Variants in IL1R1 observed in about 807,000 individuals in gnomAD.
IL1R1 encodes interleukin-1 receptor type 1.
A neutral mutation model predicts 50.2 loss-of-function variants in IL1R1; 22 were observed. That is an observed-to-expected ratio of 0.44 (90% confidence interval 0.31 to 0.63). The LOEUF (loss-of-function observed/expected upper bound fraction) is 0.63. IL1R1 is among the 20% of genes least tolerant of loss of function. The pLI is 0.07. For synonymous variants in IL1R1, 251 were observed against 236.7 expected (o/e 1.06, Z -0.55); for missense variants, 509 against 676.2 (o/e 0.75, Z 2.74).
chr2:102,118,933 G>T (rs1471126186), intron 1 of IL1R1, among the ~76,000 whole-genome samples: 1 of 144,124 alleles, frequency 6.9e-6, no homozygotes, highest in Non-Finnish European at 1.5e-5. Context: ...CAGGAGAATG[G>T]TATGAACCTG....
intron 1 of IL1R1, among the ~76,000 whole-genome samples, chr2:102,107,774 T>G (rs966459584): frequency 3.3e-4 from 50 of 152,358 alleles, no homozygotes; most frequent in Non-Finnish European, 5.7e-4. Flanking sequence ...GCCTCTCGTC[T>G]TTTTTGGTTA....
At chr2:102,104,910 G>T (rs934400492) in intron 1 of IL1R1, 2 of 152,096 alleles carry the variant, frequency 1.3e-5, no homozygotes, top group East Asian at 3.9e-4. Context: ...TTTTGTTTCT[G>T]TATTTTTTTC....
chr2:102,070,873 G>A (rs1348880940), intron 1 of IL1R1, among the ~76,000 whole-genome samples: 1 of 152,054 alleles, frequency 6.6e-6, no homozygotes, highest in Non-Finnish European at 1.5e-5. Context: ...TTCTAGGTGG[G>A]AATCTCAGGC....
At chr2:102,086,008 A>G (rs553231506) in intron 1 of IL1R1, among the ~76,000 whole-genome samples, 2 of 152,286 alleles carry the variant, frequency 1.3e-5, no homozygotes, top group African/African-American at 4.8e-5. Context: ...GAGCTTGTAC[A>G]TGAAGTAATT....
At chr2:102,157,657 G>C in intron 2 of IL1R1, 62 bp from the exon 3 acceptor site, 1 of 1,067,382 alleles carries the variant, frequency 9.4e-7, no homozygotes, top group Non-Finnish European at 1.4e-6. Flanking sequence ...TTTAGTTTTA[G>C]AGATTTGCTG....
At chr2:102,097,039 A>G (rs1679935315) in intron 1 of IL1R1, among the ~76,000 whole-genome samples, 1 of 152,202 alleles carries the variant, frequency 6.6e-6, no homozygotes, top group Admixed American at 6.5e-5. Context: ...AAATATTACA[A>G]TGAAGTTGCA....
rs545544468 is a variant in IL1R1 at position 102,157,849 on chromosome 2, G to C, written c.61+64G>C. On this transcript the variant is annotated intron_variant, in intron 3 of 11. Coordinates refer to ENST00000410023, the MANE Select transcript of IL1R1 (RefSeq NM_000877.4). ...AAATCTGTTATTTAGAATACATGAA[G>C]TACCTTCCCTAACAGAGTCATTTCT... is the stretch of plus-strand genomic sequence containing the variant. The C allele has an allele frequency of 2.8e-6, 3 of 1,055,138 alleles. No individual in the cohort carries two copies. In the African/African-American group the frequency reaches 4.7e-5, roughly 16 times the overall value. The allele number at this position is 1,055,138 out of a possible 1,614,324, so 65.4% of individuals were successfully genotyped here.
chr2:102,083,426 C>A (rs1679303301), intron 1 of IL1R1, among the ~76,000 whole-genome samples: 1 of 151,920 alleles, frequency 6.6e-6, no homozygotes, highest in Non-Finnish European at 1.5e-5. Context: ...AATATTGTTC[C>A]CTTGTGTGTA....
At chr2:102,173,885 A>G (rs1306969719) in intron 9 of IL1R1, among the ~76,000 whole-genome samples, 1 of 152,206 alleles carries the variant, frequency 6.6e-6, no homozygotes, top group Non-Finnish European at 1.5e-5. Context: ...AAGCGACAGT[A>G]CTTAAGACCG....
At chr2:102,081,453 G>A (rs900226529) in intron 1 of IL1R1, among the ~76,000 whole-genome samples, 9 of 152,130 alleles carry the variant, frequency 5.9e-5, no homozygotes, top group East Asian at 1.9e-4. Context: ...CTGGCTCCAC[G>A]GTGGTTTCAG....
intron 3 of IL1R1, among the ~76,000 whole-genome samples, chr2:102,158,910 G>T (rs1328889443): frequency 2.6e-5 from 4 of 152,224 alleles, no homozygotes; most frequent in African/African-American, 4.8e-5. Flanking sequence ...TTGATGGCTT[G>T]TCAAAGGGTG....
At chr2:102,089,117 C>T (rs1383698759) in intron 1 of IL1R1, among the ~76,000 whole-genome samples, 2 of 152,198 alleles carry the variant, frequency 1.3e-5, no homozygotes, top group African/African-American at 4.8e-5. Context: ...AGTATTTTTA[C>T]TTTGCACTCA....
intron 1 of IL1R1, among the ~76,000 whole-genome samples, chr2:102,093,870 C>T (rs991291581): frequency 5.9e-5 from 9 of 152,276 alleles, no homozygotes; most frequent in African/African-American, 9.6e-5. Flanking sequence ...AGCAGGCTCC[C>T]GGCAGCTGCA....
rs574054350 is a variant in IL1R1, at chr2:102,165,981, G to A, written c.487-132G>A. On this transcript the variant is annotated intron_variant, in intron 5 of 11. Transcript: ENST00000410023. ...AAGCCAGTATTAAAACTTACTATATGTAAGGAACTTTTCCAGTCACTTTCT... is the reference window on the plus strand; with the variant it reads ...AAGCCAGTATTAAAACTTACTATATATAAGGAACTTTTCCAGTCACTTTCT... 40 of 690,060 alleles carry A rather than the reference G, an allele frequency of 5.8e-5. 2 individuals are homozygous for A. In the South Asian group the frequency reaches 8.6e-4, roughly 15 times the overall value. The allele number at this position is 690,060 out of a possible 1,614,324, so 42.7% of individuals were successfully genotyped here. A position where few individuals can be genotyped will look rare whatever the true frequency, so the allele number is the denominator to read the frequency against.
At chr2:102,084,533 A>G (rs1325190332) in intron 1 of IL1R1, among the ~76,000 whole-genome samples, 1 of 152,202 alleles carries the variant, frequency 6.6e-6, no homozygotes, top group Non-Finnish European at 1.5e-5. Context: ...CTTTTAAATG[A>G]AGTATAATGC....
chr2:102,147,115 G>GT (rs1304357876), intron 1 of IL1R1, among the ~76,000 whole-genome samples: 2 of 152,212 alleles, frequency 1.3e-5, no homozygotes, highest in South Asian at 4.1e-4. Flanking sequence ...TGCTTTGTGT[G>GT]TGGGGGTGAA....
chr2:102,077,154 T>C (rs1380958160), intron 1 of IL1R1, among the ~76,000 whole-genome samples: 1 of 152,180 alleles, frequency 6.6e-6, no homozygotes, highest in African/African-American at 2.4e-5. Context: ...CACTGCAACC[T>C]CCACCTCCTG....
chr2:102,134,853 C>T (rs1682253563), intron 1 of IL1R1, among the ~76,000 whole-genome samples: 1 of 152,196 alleles, frequency 6.6e-6, no homozygotes. Context: ...TGCTGGGACT[C>T]ATTCTTCGTG....
At chr2:102,134,988 T>A (rs1245398104) in intron 1 of IL1R1, among the ~76,000 whole-genome samples, 1 of 152,212 alleles carries the variant, frequency 6.6e-6, no homozygotes, top group Non-Finnish European at 1.5e-5. Flanking sequence ...TATTGCTAGG[T>A]TATTTACAAG....
Sources: allele counts gnomAD v4.1 joint callset (sites outside exome capture counted in the v4.1 genomes callset), GRCh38; gene constraint gnomAD v4.1.1; transcripts MANE v1.5; gene names NCBI Gene and HGNC (gene_info 2026-07-23, HGNC 2026-07-21).